XKR6: variants seen among roughly 807,000 people sequenced by gnomAD.
The protein encoded by XKR6 is XK related 6.
In XKR6, 22 loss-of-function variants were observed where a neutral mutation model predicts 56.7. The ratio of observed to expected loss-of-function variants is 0.39; its 90% CI spans 0.28 to 0.55. The LOEUF (loss-of-function observed/expected upper bound fraction) is 0.55. XKR6 is among the 20% of genes least tolerant of loss of function. XKR6 has a pLI of 0.66. For synonymous variants in XKR6, 524 were observed against 387.8 expected (o/e 1.35, Z -4.13); for missense variants, 852 against 889.0 (o/e 0.96, Z 0.53).
intron 1 of XKR6, among the ~76,000 whole-genome samples, chr8:11,086,974 G>A (rs1797912879): frequency 1.3e-5 from 2 of 152,212 alleles, no homozygotes; most frequent in African/African-American, 2.4e-5. Flanking sequence ...TGGTCTCTCG[G>A]AAGCTGAGAT....
At chr8:11,176,730 C>A (rs1001265443) in intron 1 of XKR6, among the ~76,000 whole-genome samples, 3 of 151,990 alleles carry the variant, frequency 2.0e-5, no homozygotes, top group East Asian at 3.9e-4. Flanking sequence ...TAGGGCATCT[C>A]CCTAGATCTG....
intron 1 of XKR6, among the ~76,000 whole-genome samples, chr8:11,094,280 C>A (rs529143270): frequency 6.6e-6 from 1 of 152,198 alleles, no homozygotes; most frequent in South Asian, 2.1e-4. Flanking sequence ...CCTCTGTCTC[C>A]GGGGTTCAAG....
At chr8:11,047,622 A>T (rs1015795802) in intron 1 of XKR6, among the ~76,000 whole-genome samples, 6 of 152,182 alleles carry the variant, frequency 3.9e-5, no homozygotes, top group Non-Finnish European at 8.8e-5. Context: ...GGCTGGGAAA[A>T]GGGGGCATGA....
intron 1 of XKR6, among the ~76,000 whole-genome samples, chr8:11,120,402 A>G (rs1326122733): frequency 6.6e-6 from 1 of 152,236 alleles, no homozygotes; most frequent in Non-Finnish European, 1.5e-5. Context: ...ACAGACAAAC[A>G]GAGAGCCAAA....
chr8:11,101,028 C>A (rs117494315), intron 1 of XKR6, among the ~76,000 whole-genome samples: 1,819 of 152,296 alleles, frequency 0.012, 21 homozygotes, highest in Non-Finnish European at 0.02. Context: ...CCACGCACAT[C>A]GGACGAAAGA....
intron 1 of XKR6, among the ~76,000 whole-genome samples, chr8:11,119,112 AGC>A (rs1799320987): frequency 6.6e-6 from 1 of 151,862 alleles, no homozygotes; most frequent in Non-Finnish European, 1.5e-5. Flanking sequence ...CATGTAGTTG[AGC>A]AGTTTTGAGT....
chr8:11,103,476 GT>G (rs773987549), intron 1 of XKR6, among the ~76,000 whole-genome samples: 3 of 152,176 alleles, frequency 2.0e-5, no homozygotes, highest in Non-Finnish European at 4.4e-5. Context: ...ATTTCTGAAA[GT>G]GGAAAAACTA....
intron 1 of XKR6, among the ~76,000 whole-genome samples, chr8:10,985,058 G>C (rs879421755): frequency 1.9e-4 from 29 of 151,872 alleles, no homozygotes; most frequent in Non-Finnish European, 3.7e-4. Flanking sequence ...TCCCACTTCA[G>C]CCTCCAGAGT....
intron 1 of XKR6, among the ~76,000 whole-genome samples, chr8:11,054,524 G>T (rs182878867): frequency 6.6e-6 from 1 of 152,348 alleles, no homozygotes; most frequent in East Asian, 1.9e-4. Flanking sequence ...TGCAGTAGCA[G>T]TGAAGAGCTA....
chr8:10,901,082 G>A (rs1303974341), intron 2 of XKR6, among the ~76,000 whole-genome samples: 16 of 144,214 alleles, frequency 1.1e-4, no homozygotes, highest in African/African-American at 3.6e-4. Context: ...TTAAGATGGA[G>A]TCCCACTCTG....
In XKR6 at chr8:11,170,697, C is replaced by T. The variant is rs142796241; in HGVS notation, c.764+29879G>A. Among the ~76,000 whole-genome samples, 193 of 152,292 alleles carry T rather than the reference C, an allele frequency of 1.3e-3. 1 individual carries two copies. Among genetic ancestry groups the T allele is most frequent in the Admixed American group, 2.8e-3 (43 of 15,296 alleles). ...ATCTAAGTGGGTAAATTTTGTAGTACGTTAATTATATCTTAATAAAACTGT... is the reference window on the plus strand; with the variant it reads ...ATCTAAGTGGGTAAATTTTGTAGTATGTTAATTATATCTTAATAAAACTGT... On this transcript the variant is annotated intron_variant, in intron 1 of 2. Transcript: ENST00000416569.
intron 2 of XKR6, among the ~76,000 whole-genome samples, chr8:10,908,925 G>A (rs1174955026): frequency 1.3e-5 from 2 of 152,214 alleles, no homozygotes; most frequent in African/African-American, 4.8e-5. Context: ...AGAACTTTGG[G>A]AGGCCGAGGT....
intron 1 of XKR6, among the ~76,000 whole-genome samples, chr8:11,180,195 C>G (rs992232225): frequency 1.3e-5 from 2 of 152,140 alleles, no homozygotes; most frequent in Admixed American, 6.5e-5. Flanking sequence ...AGTGCTTTGT[C>G]TGGGAAAATT....
intron 1 of XKR6, among the ~76,000 whole-genome samples, chr8:10,976,765 CT>C (rs1184844278): frequency 8.7e-5 from 13 of 149,890 alleles, no homozygotes; most frequent in Non-Finnish European, 1.2e-4. Flanking sequence ...CTCTCTCTCT[CT>C]CTCTCTCTCT....
intron 1 of XKR6, among the ~76,000 whole-genome samples, chr8:11,165,536 C>A (rs776239323): frequency 1.2e-4 from 19 of 152,272 alleles, no homozygotes; most frequent in Admixed American, 3.3e-4. Context: ...ATGGCATGCT[C>A]TCTTGGGCAT....
intron 1 of XKR6, among the ~76,000 whole-genome samples, chr8:11,086,631 A>G (rs2129171465): frequency 6.6e-6 from 1 of 152,378 alleles, no homozygotes; most frequent in East Asian, 1.9e-4. Context: ...CACTAGAAAG[A>G]TGCGGTGAGG....
In XKR6 at chr8:11,039,829, C is replaced by A. The variant is rs187398760; in HGVS notation, c.765-114999G>T. Among the ~76,000 whole-genome samples the A allele has an allele frequency of 1.8e-4, 28 of 152,366 alleles. No individual in the cohort carries two copies. The East Asian group carries it at 3.3e-3, about 18-fold the overall frequency. ...CCCCCACCTGACAAGCACAGGGAAG[C>A]AGCCCGAGCACAGCTCTACGAACGC... On this transcript the variant is annotated intron_variant, in intron 1 of 2. Transcript: ENST00000416569.
At chr8:10,978,165 C>A (rs1419556995) in intron 1 of XKR6, among the ~76,000 whole-genome samples, 2 of 152,194 alleles carry the variant, frequency 1.3e-5, no homozygotes. Context: ...ATTACCATCA[C>A]CACCTAAGCC....
At chr8:11,053,473 C>G (rs1799605979) in intron 1 of XKR6, among the ~76,000 whole-genome samples, 1 of 152,202 alleles carries the variant, frequency 6.6e-6, no homozygotes, top group Non-Finnish European at 1.5e-5. Context: ...CTTCCCCATT[C>G]CCAGACAGAG....
Sources: allele counts gnomAD v4.1 joint callset (sites outside exome capture counted in the v4.1 genomes callset), GRCh38; gene constraint gnomAD v4.1.1; transcripts MANE v1.5; gene names NCBI Gene and HGNC (gene_info 2026-07-23, HGNC 2026-07-21).